TACC1: variants seen among roughly 807,000 people sequenced by gnomAD.
TACC1 encodes transforming acidic coiled-coil-containing protein 1.
Under a neutral mutation model 84.4 loss-of-function variants are expected in TACC1, and 48 were observed. The ratio of observed to expected loss-of-function variants is 0.57; its 90% CI spans 0.45 to 0.72. TACC1 has a LOEUF of 0.72. Ranked by LOEUF, TACC1 falls within the 30% of genes least tolerant of loss-of-function variation. TACC1 has a pLI of 0.00. For synonymous variants in TACC1, 372 were observed against 376.3 expected (o/e 0.99, Z 0.13); for missense variants, 920 against 973.0 (o/e 0.95, Z 0.72).
intron 3 of TACC1, among the ~76,000 whole-genome samples, chr8:38,752,489 AAAAC>A (rs1809227380): frequency 6.6e-6 from 1 of 152,166 alleles, no homozygotes; most frequent in Non-Finnish European, 1.5e-5. Context: ...AATAAAAACA[AAAAC>A]AAAACCCCAA....
intron 2 of TACC1, chr8:38,802,437 G>T (rs984092751): frequency 5.3e-5 from 8 of 152,160 alleles, no homozygotes; most frequent in African/African-American, 1.7e-4. Context: ...TCTAGGTTTT[G>T]CACTCCTTGT....
intron 3 of TACC1, among the ~76,000 whole-genome samples, chr8:38,750,441 C>G (rs1477245009): frequency 1.3e-5 from 2 of 152,112 alleles, no homozygotes; most frequent in African/African-American, 4.8e-5. Flanking sequence ...TTTTATTTAA[C>G]TTAAATTGTA....
At chr8:38,795,454 T>A (rs1026714071) in intron 2 of TACC1, among the ~76,000 whole-genome samples, 4 of 152,248 alleles carry the variant, frequency 2.6e-5, no homozygotes, top group African/African-American at 9.6e-5. Context: ...TTTCTACCTG[T>A]GTATGTGTTT....
upstream of TACC1, among the ~76,000 whole-genome samples, chr8:38,784,834 C>A (rs1426037981): frequency 6.6e-6 from 1 of 152,098 alleles, no homozygotes; most frequent in African/African-American, 2.4e-5. Flanking sequence ...GGGTAAAGTC[C>A]CTTTAGAAGC....
At chr8:38,750,416 G>A (rs1808819336) in intron 3 of TACC1, among the ~76,000 whole-genome samples, 1 of 152,210 alleles carries the variant, frequency 6.6e-6, no homozygotes, top group South Asian at 2.1e-4. Context: ...GGGCAAGGAT[G>A]TTGGCTCTCA....
chr8:38,842,466 C>T lies in TACC1; in HGVS notation c.2121+19C>T, dbSNP rs770856502. 4.3e-5 allele frequency: 69 copies of T among 1,594,596 alleles called. No individual in the cohort carries two copies. Among genetic ancestry groups the T allele is most frequent in the Admixed American group, 1.1e-4 (6 of 57,004 alleles). On this transcript the variant is annotated intron_variant, in intron 10 of 12. Transcript: ENST00000317827. ...CAAGAAGGTAGAGTGTTTTTTCCCT[C>T]TGTCTCCTGGTGTATTTCCAGTAGT...
rs950934321 is a variant in TACC1 at position 38,760,574 on chromosome 8, C to T, written c.26+15081C>T. 6.6e-5 allele frequency among the ~76,000 whole-genome samples: 10 copies of T among 152,090 alleles called. No homozygotes were observed. The East Asian group carries it at 7.7e-4, about 12-fold the overall frequency. On this transcript the variant is annotated intron_variant, in intron 3 of 14. Transcript: ENST00000518415. The stretch of plus-strand genomic sequence containing the variant: ...TGAGATGGAGTCTCACTCTGTTGCC[C>T]AGGCTGGAGTGCAGTGGCACATCTC...
At chr8:38,730,525 A>C (rs7007474) in intron 1 of TACC1, among the ~76,000 whole-genome samples, 100,671 of 152,154 alleles carry the variant, frequency 0.66, 33,704 homozygotes, top group East Asian at 0.95. Context: ...CTCATGGAAT[A>C]CTCAGCCCTA....
chr8:38,774,501 T>C (rs891765340), intron 3 of TACC1, among the ~76,000 whole-genome samples: 3 of 152,204 alleles, frequency 2.0e-5, no homozygotes, highest in African/African-American at 7.2e-5. Context: ...ACATTTTTTA[T>C]TATTGTTTTG....
chr8:38,773,268 C>T (rs929205879), intron 3 of TACC1, among the ~76,000 whole-genome samples: 2 of 151,462 alleles, frequency 1.3e-5, no homozygotes, highest in East Asian at 3.9e-4. Context: ...GGAGTTGTGG[C>T]GAGCCGAGAT....
chr8:38,733,473 G>A (rs1414796202), intron 1 of TACC1, among the ~76,000 whole-genome samples: 2 of 152,104 alleles, frequency 1.3e-5, no homozygotes, highest in Non-Finnish European at 2.9e-5. Flanking sequence ...AGATTCCCAG[G>A]AAACCCCTGG....
intron 2 of TACC1, among the ~76,000 whole-genome samples, chr8:38,742,935 G>A (rs1587130745): frequency 6.6e-6 from 1 of 152,096 alleles, no homozygotes; most frequent in South Asian, 2.1e-4. Flanking sequence ...GGCCGGTCTC[G>A]AACTCCTGAC....
In TACC1 at chr8:38,843,404, T is replaced by A; in HGVS notation, c.2228+9T>A. On this transcript the variant is annotated intron_variant, in intron 11 of 12. Transcript: ENST00000317827. Reference sequence around the variant, plus strand: ...GAAGAGAAACTGGACAAGTAAGAGCTTGTAAATGTTGAATTTCACTCTTCA... The same window carrying A: ...GAAGAGAAACTGGACAAGTAAGAGCATGTAAATGTTGAATTTCACTCTTCA... 1 of 1,579,048 alleles carries A rather than the reference T, an allele frequency of 6.3e-7. No individual in the cohort carries two copies. Among genetic ancestry groups the A allele is most frequent in the Admixed American group, 1.8e-5 (1 of 54,650 alleles).
chr8:38,827,654 A>G (rs759197063), intron 5 of TACC1: 9 of 437,956 alleles, frequency 2.1e-5, no homozygotes, highest in Admixed American at 3.9e-5. Flanking sequence ...ATATGGCCAT[A>G]TCTTAAAGTA....
At chr8:38,763,471 C>T (rs1029324143) in intron 3 of TACC1, among the ~76,000 whole-genome samples, 5 of 152,202 alleles carry the variant, frequency 3.3e-5, no homozygotes, top group Non-Finnish European at 5.9e-5. Flanking sequence ...TTTGTTTTAG[C>T]ATAAACAAGA....
intron 10 of TACC1, among the ~76,000 whole-genome samples, 175 bp from the exon 11 acceptor site, chr8:38,843,114 G>A (rs1429841425): frequency 1.3e-5 from 2 of 152,196 alleles, no homozygotes; most frequent in Admixed American, 6.5e-5. Flanking sequence ...AAGACATTAT[G>A]TAGAATTTCC....
chr8:38,743,753 G>A lies in TACC1; in HGVS notation c.-573-1142G>A, dbSNP rs549954451. ...AAAAGAAATCTGGGCCAGGCTTAAT[G>A]GCTCATGCCTGTAGTCTCAGCTATT... is the stretch of plus-strand genomic sequence containing the variant. On this transcript the variant is annotated intron_variant, in intron 2 of 14. Transcript: ENST00000518415. Among the ~76,000 whole-genome samples the A allele has an allele frequency of 5.3e-5, 8 of 152,260 alleles. No individual in the cohort carries two copies. The South Asian group carries it at 1.7e-3, about 32-fold the overall frequency.
Position 38,848,189 on chromosome 8 carries a change from C to T in TACC1, c.*166C>T. 1.6e-6 allele frequency: 1 copy of T among 619,416 alleles called. No homozygotes were observed. The highest frequency in any genetic ancestry group is 2.8e-6 in the Non-Finnish European group (1 of 359,510). 38.4% of individuals were successfully genotyped at this position (619,416 alleles called of 1,614,324 possible). The stretch of plus-strand genomic sequence containing the variant: ...TCCCGCTTTGCTGCCAATGCAACAG[C>T]CCTGGAAGAAACCCTAGAGGGTTGC... On this transcript the variant is annotated 3_prime_UTR_variant, in exon 13 of 13. Coordinates refer to ENST00000317827, the MANE Select transcript of TACC1 (RefSeq NM_006283.3).
At chr8:38,757,794 G>C (rs1415701180) in intron 3 of TACC1, among the ~76,000 whole-genome samples, 4 of 152,218 alleles carry the variant, frequency 2.6e-5, no homozygotes, top group African/African-American at 9.6e-5. Flanking sequence ...AGGCACTCAA[G>C]TCTCAAAACG....
Sources: allele counts gnomAD v4.1 joint callset (sites outside exome capture counted in the v4.1 genomes callset), GRCh38; gene constraint gnomAD v4.1.1; transcripts MANE v1.5; gene names NCBI Gene and HGNC (gene_info 2026-07-23, HGNC 2026-07-21).